The following RHOH variants were observed in gnomAD, a reference collection of about 807,000 sequenced individuals.
RHOH encodes ras homolog family member H.
RHOH carries 6 observed loss-of-function variants against 13.8 expected under a neutral mutation model. The ratio of observed to expected loss-of-function variants is 0.44; its 90% CI spans 0.24 to 0.86. RHOH has a LOEUF of 0.86. RHOH is among the 40% of genes least tolerant of loss of function. RHOH has a pLI of 0.24. For synonymous variants in RHOH, 117 were observed against 103.0 expected, an observed-to-expected ratio of 1.14 and a Z score of -0.82; for missense variants, 147 against 244.5, an observed-to-expected ratio of 0.60 and a Z score of 2.66.
At chr4:40,233,250 A>G (rs1579319459) in intron 1 of RHOH, among the ~76,000 whole-genome samples, 1 of 152,214 alleles carries the variant, frequency 6.6e-6, no homozygotes, top group Admixed American at 6.5e-5. Context: ...TAAAAATAAT[A>G]CCATCAACCA....
Position 40,203,780 on chromosome 4 carries a change from A to C in RHOH, c.-331+6480A>C, listed in dbSNP as rs532811796. Among the ~76,000 whole-genome samples, 14 of 152,302 alleles carry C rather than the reference A, an allele frequency of 9.2e-5. No homozygotes were observed. The East Asian group carries it at 2.7e-3, about 29-fold the overall frequency. On this transcript the variant is annotated intron_variant, in intron 1 of 2. Coordinates refer to ENST00000381799, the MANE Select transcript of RHOH (RefSeq NM_004310.5). ...CCACAGTTAAACAATTTTGTCCAGC[A>C]CTTGAACCAATTAAAAGTAGCTGTG...
At chr4:40,215,764 G>C (rs1224687049) in intron 1 of RHOH, among the ~76,000 whole-genome samples, 1 of 151,928 alleles carries the variant, frequency 6.6e-6, no homozygotes. Flanking sequence ...TACTAAAAAT[G>C]CAAAAATTAG....
At chr4:40,238,133 C>T (rs2109555856) in intron 1 of RHOH, among the ~76,000 whole-genome samples, 1 of 151,812 alleles carries the variant, frequency 6.6e-6, no homozygotes, top group African/African-American at 2.4e-5. Context: ...TGGTGGTTTC[C>T]ATGTCAAATG....
intron 1 of RHOH, among the ~76,000 whole-genome samples, chr4:40,236,201 T>C (rs967947551): frequency 6.6e-6 from 1 of 152,170 alleles, no homozygotes; most frequent in African/African-American, 2.4e-5. Flanking sequence ...GTGGCCAAGA[T>C]TGCCAACCTC....
At chr4:40,217,904 T>C (rs1726077591) in intron 1 of RHOH, 1 of 152,200 alleles carries the variant, frequency 6.6e-6, no homozygotes, top group South Asian at 2.1e-4. Context: ...CAACTCCATA[T>C]TGGAGCTGTG....
At chr4:40,191,563 A>G (rs987202933), upstream of RHOH, among the ~76,000 whole-genome samples, 1 of 152,214 alleles carries the variant, frequency 6.6e-6, no homozygotes, top group Admixed American at 6.5e-5. Context: ...GCTCTGACAG[A>G]CTTTTTAGAA....
At chr4:40,224,043 A>ATTT (rs1246833560) in intron 1 of RHOH, among the ~76,000 whole-genome samples, 1 of 152,170 alleles carries the variant, frequency 6.6e-6, no homozygotes, top group Non-Finnish European at 1.5e-5. Context: ...AAGTGCTGGG[A>ATTT]TTACAGGCTC....
chr4:40,213,444 C>T (rs887159209), intron 1 of RHOH, among the ~76,000 whole-genome samples: 9 of 151,238 alleles, frequency 6.0e-5, no homozygotes, highest in South Asian at 2.1e-4. Flanking sequence ...AAATGGAACA[C>T]GGAAGAGTCT....
In RHOH at chr4:40,201,405, G is replaced by T. The variant is rs183396874; in HGVS notation, c.-331+4105G>T. On this transcript the variant is annotated intron_variant, in intron 1 of 2. Coordinates refer to ENST00000381799, the MANE Select transcript of RHOH (RefSeq NM_004310.5). The stretch of plus-strand genomic sequence containing the variant: ...GATGTGCTGTTGCAAAATATCAAGG[G>T]AGATGTTTACAGTGGTGTTCTAGAA... Among the ~76,000 whole-genome samples, 899 of 152,086 alleles carry T rather than the reference G, an allele frequency of 5.9e-3. 7 individuals carry two copies. Among genetic ancestry groups the T allele is most frequent in the Middle Eastern group, 0.027 (8 of 294 alleles).
chr4:40,236,059 T>A (rs961399246), intron 1 of RHOH, among the ~76,000 whole-genome samples: 8 of 151,750 alleles, frequency 5.3e-5, no homozygotes, highest in Admixed American at 5.2e-4. Context: ...AGAAAACAAC[T>A]TTGTTTGAGA....
At position 40,243,335 on chromosome 4, in the gene RHOH, G is replaced by A. The variant is rs943610555; in HGVS notation, c.-52G>A. The A allele has an allele frequency of 1.5e-5, 23 of 1,490,476 alleles. No individual in the cohort carries two copies. Among genetic ancestry groups the A allele is most frequent in the Middle Eastern group, 2.4e-4 (1 of 4,186 alleles). The allele number at this position is 1,490,476 out of a possible 1,614,324, so 92.3% of individuals were successfully genotyped here. On this transcript the variant is annotated 5_prime_UTR_variant, in exon 3 of 3. Coordinates refer to ENST00000381799, the MANE Select transcript of RHOH (RefSeq NM_004310.5). This position sits in a 1 kb window ranked among gnomAD's most constrained non-coding sequence, Gnocchi z 6.2. ...GCGTGTGCTGCAGCTGCCCACTGAG[G>A]GCTCTTTTCCCTGGGATTCTGGACT...
chr4:40,195,817 T>C (rs1723081079), upstream of RHOH, among the ~76,000 whole-genome samples: 1 of 152,226 alleles, frequency 6.6e-6, no homozygotes, highest in South Asian at 2.1e-4. Context: ...AGCTGGCAGA[T>C]TGAGTTCTTA....
chr4:40,199,874 A>AT (rs546560581), intron 1 of RHOH, among the ~76,000 whole-genome samples: 149 of 152,252 alleles, frequency 9.8e-4, no homozygotes, highest in Middle Eastern at 6.8e-3. Context: ...GGTTATAAAT[A>AT]TTTTTTTGGA....
chr4:40,206,585 TGCTG>T (rs1724666742), intron 1 of RHOH, among the ~76,000 whole-genome samples: 1 of 43,288 alleles, frequency 2.3e-5, no homozygotes, highest in Non-Finnish European at 6.6e-5. Context: ...GGCAGTAACT[TGCTG>T]AAAATTATAT....
Position 40,212,578 on chromosome 4 carries a change from A to G in RHOH, c.-331+15278A>G, listed in dbSNP as rs138038158. ...TTTTAAAAAACTTCCTTCTCCTCCA[A>G]TCAAAACTGGCTTTGAGGAAAGAAT... is the stretch of plus-strand genomic sequence containing the variant. On this transcript the variant is annotated intron_variant, in intron 1 of 2. Coordinates refer to ENST00000381799, the MANE Select transcript of RHOH (RefSeq NM_004310.5). 1.3e-3 allele frequency: 196 copies of G among 152,236 alleles called. 1 individual carries two copies. Among genetic ancestry groups the G allele is most frequent in the African/African-American group, 4.4e-3 (181 of 41,546 alleles). 9.4% of individuals were successfully genotyped at this position (152,236 alleles called of 1,614,324 possible). A position where few individuals can be genotyped will look rare whatever the true frequency, so the allele number is the denominator to read the frequency against.
At chr4:40,200,945 T>C (rs911629740) in intron 1 of RHOH, among the ~76,000 whole-genome samples, 2 of 152,246 alleles carry the variant, frequency 1.3e-5, no homozygotes, top group African/African-American at 4.8e-5. Context: ...CAAGTGCTTC[T>C]TAGAGCACAA....
chr4:40,201,899 C>T (rs941104287), intron 1 of RHOH, among the ~76,000 whole-genome samples: 8 of 151,266 alleles, frequency 5.3e-5, no homozygotes, highest in Admixed American at 5.3e-4. Flanking sequence ...TCTGAAAATA[C>T]CCTGAACACT....
intron 1 of RHOH, among the ~76,000 whole-genome samples, chr4:40,199,515 T>A (rs1723685868): frequency 6.6e-6 from 1 of 152,146 alleles, no homozygotes; most frequent in African/African-American, 2.4e-5. Flanking sequence ...TTTTAAGCCA[T>A]TTGGTAACAG....
At chr4:40,193,502 G>GAGAGAGAGAGAGAGAGAGGA (rs1722827746), upstream of RHOH, 3 of 132,508 alleles carry the variant, frequency 2.3e-5, no homozygotes, top group South Asian at 9.0e-4. Flanking sequence ...GAGAGAGAGA[G>GAGAGAGAGAGAGAGAGAGGA]AGAGAGGAGA....
Sources: allele counts gnomAD v4.1 joint callset (sites outside exome capture counted in the v4.1 genomes callset), GRCh38; gene constraint gnomAD v4.1.1; non-coding constraint Gnocchi (gnomAD v3.1); transcripts MANE v1.5; gene names NCBI Gene and HGNC (gene_info 2026-07-23, HGNC 2026-07-21).